Variants in SH3GL1 observed in about 807,000 individuals in gnomAD.
SH3GL1 encodes the protein SH3 domain containing GRB2 like 1, endophilin A2.
Under a neutral mutation model 48.8 loss-of-function variants are expected in SH3GL1, and 21 were observed. That is an observed-to-expected ratio of 0.43 (90% CI 0.30 to 0.62). SH3GL1 has a LOEUF of 0.62. Among genes scored for constraint, SH3GL1 ranks in the 20% least tolerant of loss-of-function variants. The probability of loss-of-function intolerance (pLI) is 0.11; values close to 1 mark genes in which losing one functional copy is unlikely to be tolerated. For synonymous variants in SH3GL1, 282 were observed against 217.5 expected (o/e 1.30, Z -2.61); for missense variants, 454 against 503.0 (o/e 0.90, Z 0.93).
chr19:4,377,898 C>T (rs889804886), intron 1 of SH3GL1, among the ~76,000 whole-genome samples: 4 of 152,268 alleles, frequency 2.6e-5, no homozygotes, highest in African/African-American at 7.2e-5. Flanking sequence ...TGTCTGAAGA[C>T]TCGCGTTTGG....
At chr19:4,386,827 G>A (rs2144911817) in intron 1 of SH3GL1, among the ~76,000 whole-genome samples, 1 of 152,268 alleles carries the variant, frequency 6.6e-6, no homozygotes, top group Non-Finnish European at 1.5e-5. Flanking sequence ...AAGGGAAAAG[G>A]CAACGTGCCT....
chr19:4,361,489 G>GCCGGCAGGCGGCC lies in SH3GL1; in HGVS notation c.*110_*111insGGCCGCCTGCCGG, dbSNP rs1193754276. The stretch of plus-strand genomic sequence containing the variant: ...CCTCAAGGGCCGGGGCCCAGGTGGC[G>GCCGGCAGGCGGCC]CCGGCAGGCTCAGACACCGCCCTGG... On this transcript the variant is annotated 3_prime_UTR_variant, in exon 10 of 10. Coordinates refer to ENST00000269886, the MANE Select transcript of SH3GL1 (RefSeq NM_003025.4). The GCCGGCAGGCGGCC allele has an allele frequency of 9.9e-6, 8 of 806,186 alleles. No homozygotes were observed. The East Asian group carries it at 2.1e-4, about 21-fold the overall frequency. 49.9% of individuals were successfully genotyped at this position (806,186 alleles called of 1,614,324 possible).
intron 1 of SH3GL1, among the ~76,000 whole-genome samples, chr19:4,382,118 C>T (rs961475764): frequency 8.5e-5 from 13 of 152,144 alleles, no homozygotes; most frequent in Admixed American, 7.9e-4. Context: ...AGGCCACCCA[C>T]ATCCATTGGC....
chr19:4,398,955 A>C (rs904686199), intron 1 of SH3GL1, among the ~76,000 whole-genome samples: 4 of 152,240 alleles, frequency 2.6e-5, no homozygotes, highest in Non-Finnish European at 4.4e-5. Flanking sequence ...CAATAGAGAT[A>C]TCTATCAACT....
chr19:4,365,178 C>T (rs1972746525), intron 4 of SH3GL1, among the ~76,000 whole-genome samples: 2 of 152,138 alleles, frequency 1.3e-5, no homozygotes, highest in African/African-American at 4.8e-5. Flanking sequence ...CCCTCCAATG[C>T]TCCTAAAAGG....
At chr19:4,392,629 G>A (rs749124270) in intron 1 of SH3GL1, among the ~76,000 whole-genome samples, 1 of 151,936 alleles carries the variant, frequency 6.6e-6, no homozygotes, top group Non-Finnish European at 1.5e-5. Context: ...AAAACCAAGA[G>A]TGGCCCCACA....
chr19:4,380,066 C>A (rs1050200295), intron 1 of SH3GL1: 1 of 152,274 alleles, frequency 6.6e-6, no homozygotes. Context: ...GGGAAGGACA[C>A]GGCAGGGCAG....
At position 4,376,390 on chromosome 19, in the gene SH3GL1, C is replaced by T. The variant is rs935957661; in HGVS notation, c.46-9396G>A. Among the ~76,000 whole-genome samples the T allele has an allele frequency of 6.6e-6, 1 of 152,076 alleles. No homozygotes were observed. The highest frequency in any genetic ancestry group is 1.5e-5 in the Non-Finnish European group (1 of 68,000). On this transcript the variant is annotated intron_variant, in intron 1 of 9. Transcript: ENST00000269886. The surrounding 1 kb of genome is among the most constrained non-coding windows in gnomAD (Gnocchi z 4.3). ...CCGTGCATTCTGTAGAGAACCTCAG[C>T]GCCCTCCTCCCTGCCGGCAGCCAGG...
Position 4,366,588 on chromosome 19 carries a change from A to C in SH3GL1, c.115-15T>G. 6.2e-7 allele frequency: 1 copy of C among 1,609,644 alleles called. No individual in the cohort carries two copies. The highest frequency in any genetic ancestry group is 8.5e-7 in the Non-Finnish European group (1 of 1,178,240). On this transcript the variant is annotated splice_polypyrimidine_tract_variant and intron_variant, in intron 2 of 9. Transcript: ENST00000269886. ...ACATCCACCTTCTGTGAAGAGAAGC[A>C]GCATATAAGACTCCACAGCCAGTGG...
rs1555744484 is a variant in SH3GL1, at chr19:4,393,306, A to AAAC, written c.45+7017_45+7018insGTT. Among the ~76,000 whole-genome samples, 33 of 151,774 alleles carry AAAC rather than the reference A, an allele frequency of 2.2e-4. No homozygotes were observed. The South Asian group carries it at 5.2e-3, about 24-fold the overall frequency. ...TAACAAAACAAACAAACAAAAAAAA[A>AAAC]CACCATCATAAATAAACTAAAAAAA... On this transcript the variant is annotated intron_variant, in intron 1 of 9. Transcript: ENST00000269886.
chr19:4,374,194 G>A (rs887728183), intron 1 of SH3GL1, among the ~76,000 whole-genome samples: 15 of 152,244 alleles, frequency 9.9e-5, no homozygotes, highest in Non-Finnish European at 1.3e-4. Flanking sequence ...CACATCAGGG[G>A]AACTGGAAGC....
intron 1 of SH3GL1, among the ~76,000 whole-genome samples, chr19:4,381,231 ATCTCTC>A (rs1282640606): frequency 2.4e-5 from 1 of 41,774 alleles, no homozygotes; most frequent in East Asian, 8.6e-4. Context: ...TCTGTCTCCC[ATCTCTC>A]TCTGTCCCCT....
At chr19:4,378,139 TA>T (rs1973048975) in intron 1 of SH3GL1, among the ~76,000 whole-genome samples, 1 of 151,894 alleles carries the variant, frequency 6.6e-6, no homozygotes, top group South Asian at 2.1e-4. Flanking sequence ...AGTCACTGAG[TA>T]TATGGTGAGA....
chr19:4,369,971 C>A (rs1327072239), intron 1 of SH3GL1, among the ~76,000 whole-genome samples: 2 of 152,264 alleles, frequency 1.3e-5, no homozygotes, highest in Non-Finnish European at 2.9e-5. Context: ...CAGCGCCGGC[C>A]GCAAGCGCGG....
chr19:4,365,063 A>C (rs1052110463), intron 4 of SH3GL1, among the ~76,000 whole-genome samples: 1 of 151,910 alleles, frequency 6.6e-6, no homozygotes, highest in Non-Finnish European at 1.5e-5. Context: ...CCCCATCCCA[A>C]CTTCTAACAG....
intron 1 of SH3GL1, among the ~76,000 whole-genome samples, chr19:4,384,572 C>T (rs1973200318): frequency 6.6e-6 from 1 of 152,168 alleles, no homozygotes; most frequent in African/African-American, 2.4e-5. Context: ...TCAAGCACTA[C>T]AGCAGATGAT....
chr19:4,384,445 TG>T (rs375241728), intron 1 of SH3GL1, among the ~76,000 whole-genome samples: 6 of 152,222 alleles, frequency 3.9e-5, no homozygotes, highest in African/African-American at 1.4e-4. Context: ...TTGAACAGGT[TG>T]TTTTTTTCCA....
chr19:4,381,169 A>C (rs1481701584), intron 1 of SH3GL1, among the ~76,000 whole-genome samples: 37 of 75,364 alleles, frequency 4.9e-4, no homozygotes, highest in African/African-American at 1.7e-3. Flanking sequence ...GTCTCCCCTG[A>C]CTCTCTCTGT....
chr19:4,395,565 C>T (rs953053729), intron 1 of SH3GL1: 8 of 152,176 alleles, frequency 5.3e-5, no homozygotes, highest in African/African-American at 1.7e-4. Context: ...CTTATTCATA[C>T]ATATGGTTGC....
Sources: allele counts gnomAD v4.1 joint callset (sites outside exome capture counted in the v4.1 genomes callset), GRCh38; gene constraint gnomAD v4.1.1; non-coding constraint Gnocchi (gnomAD v3.1); transcripts MANE v1.5; gene names NCBI Gene and HGNC (gene_info 2026-07-23, HGNC 2026-07-21).